ZNF469: variants seen among roughly 807,000 people sequenced by gnomAD.
ZNF469 encodes zinc finger protein 469.
Under a neutral mutation model 1.0 loss-of-function variants are expected in ZNF469, and 1 was observed. The ratio of observed to expected loss-of-function variants is 1.00; its 90% CI spans 0.35 to 4.73. ZNF469 has a LOEUF of 4.73. Ranked by LOEUF, ZNF469 falls within the 30% of genes most tolerant of loss-of-function variation. The probability of loss-of-function intolerance (pLI) is 0.16; values close to 1 mark genes in which losing one functional copy is unlikely to be tolerated. For missense variants in ZNF469, 6,100 were observed against 5,356.3 expected, an observed-to-expected ratio of 1.14 and a Z score of -4.33; for synonymous variants, 2,703 against 2,363.4, an observed-to-expected ratio of 1.14 and a Z score of -4.17.
At chr16:88,192,994 GTGGTGGTGATGGTGGTGA>G in the ZNF469 span, among the ~76,000 whole-genome samples, 286 of 123,140 alleles carry the variant, frequency 2.3e-3, 1 homozygote, top group African/African-American at 5.2e-3. Context: ...GGTGATGGTG[GTGGTGGTGATGGTGGTGA>G]TGGTGGTGGT....
the ZNF469 span, among the ~76,000 whole-genome samples, chr16:88,115,113 T>C: frequency 1.3e-5 from 2 of 152,180 alleles, no homozygotes; most frequent in South Asian, 4.1e-4. Flanking sequence ...GTCTTAACCA[T>C]GCTGCCTGGT....
chr16:88,224,663 G>C, the ZNF469 span, among the ~76,000 whole-genome samples: 1 of 152,194 alleles, frequency 6.6e-6, no homozygotes, highest in African/African-American at 2.4e-5. Flanking sequence ...CGCAGGGTCG[G>C]AGCCCGGCAA....
chr16:88,283,957 CCCAAGGT>C, the ZNF469 span, among the ~76,000 whole-genome samples: 4 of 113,144 alleles, frequency 3.5e-5, no homozygotes, highest in African/African-American at 3.6e-5. Context: ...CCCCAGTGTG[CCCAAGGT>C]CTGTGGAGGC....
intron 1 of ZNF469, among the ~76,000 whole-genome samples, chr16:88,406,207 C>T (rs1370260814): frequency 2.0e-5 from 3 of 152,098 alleles, no homozygotes; most frequent in Non-Finnish European, 4.4e-5. Context: ...GAGCTGAGTA[C>T]GGGAAATGGG....
the ZNF469 span, among the ~76,000 whole-genome samples, chr16:88,187,182 G>A: frequency 6.6e-6 from 1 of 152,146 alleles, no homozygotes; most frequent in African/African-American, 2.4e-5. Flanking sequence ...AGCCCTGAGC[G>A]GGTGGCGCAG....
chr16:88,378,586 C>T (rs28407033), upstream of ZNF469, among the ~76,000 whole-genome samples: 38,519 of 152,034 alleles, frequency 0.25, 8,284 homozygotes, highest in African/African-American at 0.56. Flanking sequence ...CACCTCTGCC[C>T]GGCTGCTCAC....
the ZNF469 span, among the ~76,000 whole-genome samples, chr16:88,275,510 G>A: frequency 3.7e-4 from 56 of 152,290 alleles, no homozygotes; most frequent in Admixed American, 1.9e-3. Flanking sequence ...CCCACCTTCC[G>A]GGGCGTTGAT....
In ZNF469 at chr16:88,432,703, C is replaced by T; in HGVS notation, c.5233C>T (p.Gln1745Ter). Reference protein sequence around the residue: ...AGSLAKCSPDQELSFPKNKEA... With the variant: ...AGSLAKCSPD ...GAGTTTAGCAAAGTGCAGCCCCGAC[C>T]AGGAACTTTCATTTCCTAAGAATAA... The change falls in exon 3 of 3, where the codon CAG (glutamine) becomes TAG (stop). Residue 1745 changes from glutamine (Q) to a stop codon, truncating the protein, a stop_gained. Transcript: ENST00000565624. LOFTEE classifies it low-confidence loss of function (END_TRUNC). 1 of 1,550,444 alleles carries T rather than the reference C, an allele frequency of 6.4e-7. No homozygotes were observed. The highest frequency in any genetic ancestry group is 8.7e-7 in the Non-Finnish European group (1 of 1,146,990).
upstream of ZNF469, among the ~76,000 whole-genome samples, chr16:88,378,242 G>A (rs1183945867): frequency 2.0e-5 from 3 of 152,184 alleles, no homozygotes; most frequent in African/African-American, 7.2e-5. Flanking sequence ...ACGGCGGGCA[G>A]GGAGCAGGGG....
chr16:88,139,380 G>A, the ZNF469 span, among the ~76,000 whole-genome samples: 2 of 150,130 alleles, frequency 1.3e-5, no homozygotes, highest in South Asian at 2.1e-4. Context: ...AAGTGGATCC[G>A]AAACCTTTTT....
chr16:88,246,897 G>GAGTA, the ZNF469 span, among the ~76,000 whole-genome samples: 26 of 152,238 alleles, frequency 1.7e-4, no homozygotes, highest in African/African-American at 6.3e-4. Context: ...GTGAGTGAAT[G>GAGTA]AGTGAATGAG....
At chr16:88,264,836 C>G in the ZNF469 span, among the ~76,000 whole-genome samples, 1 of 152,164 alleles carries the variant, frequency 6.6e-6, no homozygotes, top group African/African-American at 2.4e-5. Flanking sequence ...GCGCCAGGCA[C>G]AGGCGGTACT....
the ZNF469 span, among the ~76,000 whole-genome samples, chr16:88,348,633 C>A: frequency 1.3e-5 from 2 of 152,202 alleles, no homozygotes; most frequent in African/African-American, 4.8e-5. Flanking sequence ...AGGGACAGCA[C>A]TGACCAGGGC....
At chr16:88,250,125 T>A in the ZNF469 span, among the ~76,000 whole-genome samples, 1 of 152,228 alleles carries the variant, frequency 6.6e-6, no homozygotes, top group Non-Finnish European at 1.5e-5. Context: ...TGCAAAGCGT[T>A]TTCACAAAAC....
At chr16:88,287,176 T>C in the ZNF469 span, among the ~76,000 whole-genome samples, 1 of 152,228 alleles carries the variant, frequency 6.6e-6, no homozygotes. Context: ...ACCTTGGTTG[T>C]TGTCCGTAGC....
chr16:88,235,371 G>A, the ZNF469 span, among the ~76,000 whole-genome samples: 1 of 152,184 alleles, frequency 6.6e-6, no homozygotes, highest in Non-Finnish European at 1.5e-5. Flanking sequence ...TCTCCTTTGA[G>A]TGGCCACCCT....
chr16:88,138,027 C>T, the ZNF469 span, among the ~76,000 whole-genome samples: 1 of 152,264 alleles, frequency 6.6e-6, no homozygotes, highest in East Asian at 1.9e-4. Flanking sequence ...CGGAGCATTC[C>T]ACCACTCCCG....
chr16:88,431,635 G>C lies in ZNF469; in HGVS notation c.4165G>C (p.Asp1389His). 1.3e-6 allele frequency: 2 copies of C among 1,550,470 alleles called. No individual in the cohort carries two copies. The highest frequency in any genetic ancestry group is 1.7e-6 in the Non-Finnish European group (2 of 1,146,992). Residue 1389 changes from aspartate (D) to histidine (H), a missense_variant, in exon 3 of 3, where the codon GAC (aspartate) becomes CAC (histidine). By Grantham distance (81) the Asp-to-His change is moderately conservative. Transcript: ENST00000565624. The stretch of plus-strand genomic sequence containing the variant: ...CAGTGAGTTGTTCCTCGGACCCAAA[G>C]ACCTGGCTGGCTGTTTCCTGGAAGA... ...PHSELFLGPK[D>H]LAGCFLEELH...
chr16:88,128,590 C>G, the ZNF469 span, among the ~76,000 whole-genome samples: 1 of 152,178 alleles, frequency 6.6e-6, no homozygotes. Context: ...GGTGTGAAAG[C>G]CCACAGCTCA....
Sources: gnomAD v4.1 joint callset for allele counts (sites outside exome capture counted in the v4.1 genomes callset) on GRCh38, gnomAD v4.1.1 for gene constraint, MANE v1.5 for transcripts, NCBI Gene and HGNC (gene_info 2026-07-23, HGNC 2026-07-21) for gene names.